Variants in NDST3 observed in about 807,000 individuals in gnomAD.
NDST3 encodes bifunctional heparan sulfate N-deacetylase/N-sulfotransferase 3.
A neutral mutation model predicts 96.1 loss-of-function variants in NDST3; 58 were observed. The ratio of observed to expected loss-of-function variants is 0.60; its 90% CI spans 0.49 to 0.75. NDST3 has a LOEUF of 0.75. Ranked by LOEUF, NDST3 falls within the 30% of genes least tolerant of loss-of-function variation. NDST3 has a pLI of 0.00. For missense variants in NDST3, 788 were observed against 1,034.2 expected (o/e 0.76, Z 3.27); for synonymous variants, 333 against 359.7 (o/e 0.93, Z 0.84).
chr4:118,239,143 C>T (rs978598442), intron 10 of NDST3, among the ~76,000 whole-genome samples: 4 of 152,220 alleles, frequency 2.6e-5, no homozygotes, highest in South Asian at 2.1e-4. Context: ...ATCCTCCCTA[C>T]AAGAGTGGGA....
chr4:118,124,671 A>C (rs915970887), intron 4 of NDST3, among the ~76,000 whole-genome samples: 1 of 151,986 alleles, frequency 6.6e-6, no homozygotes, highest in Non-Finnish European at 1.5e-5. Flanking sequence ...GGGTTTGGCT[A>C]TTTTGAGATA....
chr4:118,058,624 TGTGTGTGTGTGCGCGCGCGC>T (rs773762215), intron 2 of NDST3, among the ~76,000 whole-genome samples: 2,003 of 41,034 alleles, frequency 0.049, 27 homozygotes, highest in South Asian at 0.18. Flanking sequence ...TGTGTGTGTG[TGTGTGTGTGTGCGCGCGCGC>T]GCACGCATGC....
At chr4:118,060,808 A>G (rs1213192363) in intron 2 of NDST3, among the ~76,000 whole-genome samples, 1 of 152,106 alleles carries the variant, frequency 6.6e-6, no homozygotes, top group Non-Finnish European at 1.5e-5. Context: ...CAAAAGGTAC[A>G]AAGTTCTTTA....
At chr4:118,114,019 G>C (rs748677026) in intron 3 of NDST3, among the ~76,000 whole-genome samples, 31 of 152,004 alleles carry the variant, frequency 2.0e-4, no homozygotes, top group Non-Finnish European at 3.4e-4. Flanking sequence ...TGCAGGCCAA[G>C]GAAAATGGGA....
chr4:118,093,961 C>A (rs1023982824), intron 2 of NDST3, among the ~76,000 whole-genome samples: 1 of 151,750 alleles, frequency 6.6e-6, no homozygotes, highest in African/African-American at 2.4e-5. Context: ...GGGACAAACA[C>A]TGTATTTTCA....
chr4:118,243,160 T>A (rs906269665), intron 12 of NDST3, among the ~76,000 whole-genome samples: 1 of 152,152 alleles, frequency 6.6e-6, no homozygotes, highest in Non-Finnish European at 1.5e-5. Context: ...TTTTCCATTG[T>A]GTTTTTCAGT....
chr4:118,136,436 T>G (rs987207475), intron 4 of NDST3, among the ~76,000 whole-genome samples: 1 of 152,190 alleles, frequency 6.6e-6, no homozygotes, highest in Non-Finnish European at 1.5e-5. Flanking sequence ...GCACAAATTA[T>G]GTGTTGATAA....
At chr4:118,148,620 AAAAT>A (rs1418590218) in intron 6 of NDST3, among the ~76,000 whole-genome samples, 1 of 152,204 alleles carries the variant, frequency 6.6e-6, no homozygotes, top group Non-Finnish European at 1.5e-5. Context: ...GATTACAACT[AAAAT>A]AAATAAAACA....
At chr4:118,201,004 C>T (rs779710163) in intron 6 of NDST3, among the ~76,000 whole-genome samples, 5 of 152,118 alleles carry the variant, frequency 3.3e-5, no homozygotes, top group Non-Finnish European at 7.4e-5. Flanking sequence ...GTTCTCAATG[C>T]TTAGCTCCCA....
intron 1 of NDST3, among the ~76,000 whole-genome samples, chr4:118,045,094 T>C (rs1724688419): frequency 6.6e-6 from 1 of 152,114 alleles, no homozygotes; most frequent in African/African-American, 2.4e-5. Context: ...TACCCATACA[T>C]AGTCAAATTT....
intron 5 of NDST3, among the ~76,000 whole-genome samples, chr4:118,142,463 A>G (rs1336922084): frequency 6.6e-6 from 1 of 151,972 alleles, no homozygotes; most frequent in African/African-American, 2.4e-5. Flanking sequence ...TAAAAATAAA[A>G]TAAAATAAAA....
chr4:118,193,451 T>C (rs2125968260), intron 6 of NDST3: 1 of 737,574 alleles, frequency 1.4e-6, no homozygotes, highest in South Asian at 1.7e-5. Flanking sequence ...GGTGTTGCTC[T>C]TCTGCTCCTC....
At chr4:118,242,685 G>T (rs1741082853) in intron 12 of NDST3, among the ~76,000 whole-genome samples, 1 of 152,114 alleles carries the variant, frequency 6.6e-6, no homozygotes, top group African/African-American at 2.4e-5. Flanking sequence ...ATTTGACCCT[G>T]TCATCTCTGC....
At chr4:118,038,026 C>A (rs1331886517) in intron 1 of NDST3, among the ~76,000 whole-genome samples, 1 of 152,170 alleles carries the variant, frequency 6.6e-6, no homozygotes, top group East Asian at 1.9e-4. Flanking sequence ...CAACACTGAT[C>A]TGTAACTTTA....
intron 13 of NDST3, 74 bp downstream of exon 13, chr4:118,253,675 A>G (rs950590853): frequency 1.1e-5 from 11 of 1,020,266 alleles, no homozygotes; most frequent in South Asian, 8.6e-5. Context: ...TTTCTTAAAA[A>G]ACTAGTTAAA....
chr4:118,094,594 C>T (rs1729140744), intron 2 of NDST3, among the ~76,000 whole-genome samples: 1 of 151,778 alleles, frequency 6.6e-6, no homozygotes, highest in African/African-American at 2.4e-5. Flanking sequence ...TTTAGTTACC[C>T]TATACAAATT....
At chr4:118,114,760 G>A in intron 3 of NDST3, 46 bp from the exon 4 acceptor site, 2 of 1,558,642 alleles carry the variant, frequency 1.3e-6, no homozygotes, top group South Asian at 1.1e-5. Flanking sequence ...ATTGATCATA[G>A]ATCAGTGTAA....
rs777585946 is a variant in NDST3 at position 118,255,712 on chromosome 4, G to A, written c.2622G>A (p.Ter874=). 6.2e-7 allele frequency: 1 copy of A among 1,607,864 alleles called. No homozygotes were observed. Among genetic ancestry groups the A allele is most frequent in the Non-Finnish European group, 8.5e-7 (1 of 1,176,958 alleles). ...GACAGGAGCTGCAGAAAGTAAGATAGCACTGAGAGAAAACTTGAGACTTCA... is the reference window on the plus strand; with the variant it reads ...GACAGGAGCTGCAGAAAGTAAGATAACACTGAGAGAAAACTTGAGACTTCA... ...WLRQELQKVR[*] Residue 874 remains the stop codon, a stop_retained_variant, in exon 14 of 14, where the codon TAG becomes TAA. Coordinates refer to ENST00000296499, the MANE Select transcript of NDST3 (RefSeq NM_004784.3).
At position 118,058,628 on chromosome 4, in the gene NDST3, TGTGTGTGCGC is replaced by T. The variant is rs1351979638; in HGVS notation, c.981+3739_981+3748del. The stretch of plus-strand genomic sequence containing the variant: ...GTGTGTGTGTGTGTGTGTGTGTGTG[TGTGTGTGCGC>T]GCGCGCGCACGCATGCATGCAAACG... On this transcript the variant is annotated intron_variant, in intron 2 of 13. Transcript: ENST00000296499. Among the ~76,000 whole-genome samples, 56 of 101,222 alleles carry T rather than the reference TGTGTGTGCGC, an allele frequency of 5.5e-4. 1 individual carries two copies. The highest frequency in any genetic ancestry group is 1.9e-3 in the African/African-American group (48 of 25,514). The allele number at this position is 101,222 out of a possible 152,430, so 66.4% of individuals were successfully genotyped here. A position where few individuals can be genotyped will look rare whatever the true frequency, so the allele number is the denominator to read the frequency against.
Sources: allele counts gnomAD v4.1 joint callset (sites outside exome capture counted in the v4.1 genomes callset), GRCh38; gene constraint gnomAD v4.1.1; transcripts MANE v1.5; gene names NCBI Gene and HGNC (gene_info 2026-07-23, HGNC 2026-07-21).